ERGIC1: variants seen among roughly 807,000 people sequenced by gnomAD.
ERGIC1 encodes endoplasmic reticulum-Golgi intermediate compartment protein 1.
Under a neutral mutation model 38.3 loss-of-function variants are expected in ERGIC1, and 19 were observed. That is an observed-to-expected ratio of 0.50 (90% CI 0.35 to 0.73). The LOEUF is 0.73. Ranked by LOEUF, ERGIC1 falls within the 30% of genes least tolerant of loss-of-function variation. The pLI is 0.01. For missense variants in ERGIC1, 294 were observed against 389.2 expected, an observed-to-expected ratio of 0.76 and a Z score of 2.06; for synonymous variants, 124 against 157.6, an observed-to-expected ratio of 0.79 and a Z score of 1.60.
At chr5:172,858,655 C>G (rs920603973) in intron 1 of ERGIC1, among the ~76,000 whole-genome samples, 1 of 152,208 alleles carries the variant, frequency 6.6e-6, no homozygotes, top group Non-Finnish European at 1.5e-5. Context: ...TCTGAGGACA[C>G]GAGGAAAAGG....
chr5:172,933,668 T>C (rs963621284), intron 8 of ERGIC1: 37 of 152,186 alleles, frequency 2.4e-4, no homozygotes, highest in African/African-American at 8.5e-4. Flanking sequence ...TTTTATTCAC[T>C]GTTTCACAGG....
chr5:172,901,037 G>C (rs1762863320), intron 3 of ERGIC1, among the ~76,000 whole-genome samples: 1 of 152,236 alleles, frequency 6.6e-6, no homozygotes, highest in African/African-American at 2.4e-5. Flanking sequence ...ACAGGTTTGG[G>C]AACAACTGAA....
intron 3 of ERGIC1, among the ~76,000 whole-genome samples, chr5:172,908,356 A>C (rs1763106432): frequency 1.8e-5 from 1 of 54,306 alleles, no homozygotes; most frequent in Admixed American, 2.4e-4. Flanking sequence ...GGGGGGGTGG[A>C]TCATGAGGTC....
At chr5:172,925,115 G>T (rs960172886) in intron 6 of ERGIC1, among the ~76,000 whole-genome samples, 1 of 152,136 alleles carries the variant, frequency 6.6e-6, no homozygotes, top group African/African-American at 2.4e-5. Flanking sequence ...GCAGGCACCT[G>T]TGATCCCAGC....
intron 9 of ERGIC1, among the ~76,000 whole-genome samples, chr5:172,940,893 G>T (rs577587876): frequency 1.3e-5 from 2 of 152,234 alleles, no homozygotes; most frequent in Non-Finnish European, 2.9e-5. Context: ...TGACCTCCGC[G>T]TCTGACTTAC....
intron 1 of ERGIC1, among the ~76,000 whole-genome samples, chr5:172,861,411 C>G (rs1761695922): frequency 6.6e-6 from 1 of 152,214 alleles, no homozygotes; most frequent in Admixed American, 6.5e-5. Context: ...TATTATCTGT[C>G]CCCTCCATGG....
At chr5:172,869,067 G>A (rs930684621) in intron 1 of ERGIC1, among the ~76,000 whole-genome samples, 1 of 152,208 alleles carries the variant, frequency 6.6e-6, no homozygotes, top group African/African-American at 2.4e-5. Context: ...TTGAAATCCA[G>A]TTCAGGAGTG....
rs555675546 is a variant in ERGIC1, at chr5:172,946,373, G to A, written c.766-4336G>A. ...AATCAGCGTCTTCCCTCCTGCCAGC[G>A]GCACCCCTGCCCTCCCCTCCGTGAG... On this transcript the variant is annotated intron_variant, in intron 9 of 9. Transcript: ENST00000393784. Among the ~76,000 whole-genome samples the A allele has an allele frequency of 1.8e-4, 28 of 152,308 alleles. 1 individual carries two copies. Among genetic ancestry groups the A allele is most frequent in the African/African-American group, 5.8e-4 (24 of 41,568 alleles).
chr5:172,873,924 C>T (rs907158050), intron 1 of ERGIC1, among the ~76,000 whole-genome samples: 1 of 152,182 alleles, frequency 6.6e-6, no homozygotes, highest in Non-Finnish European at 1.5e-5. Context: ...CTTAGGAAAT[C>T]TGCTTGAAGT....
In ERGIC1 at chr5:172,834,386, C is replaced by G; in HGVS notation, c.-28C>G. Reference sequence around the variant, plus strand: ...GCGGCGCCGCGGCCCGCCTGGCCTGCAGCGCTCCCACCCCCGGCGGCGGCA... The same window carrying G: ...GCGGCGCCGCGGCCCGCCTGGCCTGGAGCGCTCCCACCCCCGGCGGCGGCA... On this transcript the variant is annotated 5_prime_UTR_variant, in exon 1 of 10. Coordinates refer to ENST00000393784, the MANE Select transcript of ERGIC1 (RefSeq NM_001031711.3). This position sits in a 1 kb window ranked among gnomAD's most constrained non-coding sequence, Gnocchi z 4.1. The G allele has an allele frequency of 1.5e-6, 2 of 1,312,326 alleles. 1 individual carries two copies. Among genetic ancestry groups the G allele is most frequent in the South Asian group, 4.3e-5 (2 of 46,384 alleles). The allele number at this position is 1,312,326 out of a possible 1,614,324, so 81.3% of individuals were successfully genotyped here. A position where few individuals can be genotyped will look rare whatever the true frequency, so the allele number is the denominator to read the frequency against.
chr5:172,843,820 C>T (rs932944358), intron 1 of ERGIC1, among the ~76,000 whole-genome samples: 2 of 152,252 alleles, frequency 1.3e-5, no homozygotes, highest in East Asian at 3.8e-4. Context: ...GGGCCCAGGA[C>T]AAGACACTTT....
intron 6 of ERGIC1, among the ~76,000 whole-genome samples, chr5:172,925,860 C>T (rs1012404536): frequency 6.6e-6 from 1 of 152,176 alleles, no homozygotes; most frequent in African/African-American, 2.4e-5. Context: ...TTGAGGCCAA[C>T]CTGGTTTCCC....
intron 3 of ERGIC1, among the ~76,000 whole-genome samples, chr5:172,900,581 A>C (rs948810221): frequency 6.6e-6 from 1 of 152,066 alleles, no homozygotes; most frequent in Non-Finnish European, 1.5e-5. Flanking sequence ...GTGGACACAC[A>C]CACCTGTAGT....
chr5:172,914,540 G>A (rs191845664), intron 4 of ERGIC1, 174 bp from the exon 5 acceptor site: 32 of 1,045,556 alleles, frequency 3.1e-5, no homozygotes, highest in African/African-American at 1.7e-4. Flanking sequence ...CACGTTTAGC[G>A]GAGTCATTGT....
chr5:172,914,646 G>A (rs765372947), intron 4 of ERGIC1, 68 bp from the exon 5 acceptor site: 1 of 1,612,942 alleles, frequency 6.2e-7, no homozygotes, highest in Non-Finnish European at 8.5e-7. Context: ...CTCCCAGAGA[G>A]AACAGGCTGG....
chr5:172,898,126 C>A, intron 3 of ERGIC1: 1 of 378,734 alleles, frequency 2.6e-6, no homozygotes, highest in Non-Finnish European at 4.7e-6. Flanking sequence ...CCTGGCCACC[C>A]ACTCTCCTGC....
chr5:172,857,276 C>T (rs765001490), intron 1 of ERGIC1, among the ~76,000 whole-genome samples: 6 of 152,134 alleles, frequency 3.9e-5, no homozygotes, highest in South Asian at 2.1e-4. Context: ...TGGCATTGGA[C>T]GTAGCTGAGG....
intron 9 of ERGIC1, among the ~76,000 whole-genome samples, chr5:172,947,053 G>A (rs985622375): frequency 6.6e-6 from 1 of 151,792 alleles, no homozygotes; most frequent in Non-Finnish European, 1.5e-5. Context: ...GCATGGTGGT[G>A]GGCACCTGTA....
chr5:172,925,533 GCCACC>G (rs1763631962), intron 6 of ERGIC1, among the ~76,000 whole-genome samples: 1 of 152,304 alleles, frequency 6.6e-6, no homozygotes, highest in Admixed American at 6.5e-5. Flanking sequence ...CAGGGATTAT[GCCACC>G]CCGCTGCTGC....
Sources: allele counts gnomAD v4.1 joint callset (sites outside exome capture counted in the v4.1 genomes callset), GRCh38; gene constraint gnomAD v4.1.1; non-coding constraint Gnocchi (gnomAD v3.1); transcripts MANE v1.5; gene names NCBI Gene and HGNC (gene_info 2026-07-23, HGNC 2026-07-21).